The following ST8SIA1 variants were observed in gnomAD, a reference collection of about 807,000 sequenced individuals.
ST8SIA1 encodes the protein ST8 alpha-N-acetyl-neuraminide alpha-2,8-sialyltransferase 1.
A neutral mutation model predicts 35.9 loss-of-function variants in ST8SIA1; 16 were observed. That is an observed-to-expected ratio of 0.45 (90% CI 0.30 to 0.68). ST8SIA1 has a LOEUF of 0.68. Ranked by LOEUF, ST8SIA1 falls within the 30% of genes least tolerant of loss-of-function variation. The pLI, the probability that ST8SIA1 is intolerant of heterozygous loss-of-function variation, is 0.09. For missense variants in ST8SIA1, 383 were observed against 453.6 expected (o/e 0.84, Z 1.41); for synonymous variants, 170 against 169.6 (o/e 1.00, Z -0.02).
intron 1 of ST8SIA1, among the ~76,000 whole-genome samples, chr12:22,323,052 C>T (rs763694876): frequency 3.3e-5 from 5 of 152,112 alleles, no homozygotes; most frequent in African/African-American, 4.8e-5. Context: ...AGATAAAACA[C>T]CATGCTAATT....
chr12:22,210,258 T>C (rs1405884495), intron 4 of ST8SIA1, among the ~76,000 whole-genome samples: 1 of 152,124 alleles, frequency 6.6e-6, no homozygotes, highest in Non-Finnish European at 1.5e-5. Flanking sequence ...TATAGTTACA[T>C]ATACATATGT....
chr12:22,286,455 C>A (rs1308577637), intron 2 of ST8SIA1: 1 of 518,858 alleles, frequency 1.9e-6, no homozygotes, highest in South Asian at 1.4e-5. Flanking sequence ...TTGGGGAGGC[C>A]ATGATTCATT....
At chr12:22,287,362 A>T in intron 1 of ST8SIA1, 69 bp from the exon 2 acceptor site, 2 of 1,522,698 alleles carry the variant, frequency 1.3e-6, no homozygotes, top group Non-Finnish European at 1.8e-6. Flanking sequence ...TTCACTTGTC[A>T]TTCCCACAGA....
chr12:22,323,812 A>T (rs915829930), intron 1 of ST8SIA1, among the ~76,000 whole-genome samples: 2 of 152,182 alleles, frequency 1.3e-5, no homozygotes, highest in African/African-American at 2.4e-5. Context: ...CGATGAGAAC[A>T]CATGGACACA....
At chr12:22,283,241 GA>G (rs1866058059) in intron 2 of ST8SIA1, among the ~76,000 whole-genome samples, 1 of 152,124 alleles carries the variant, frequency 6.6e-6, no homozygotes, top group Non-Finnish European at 1.5e-5. Flanking sequence ...CACAATGTAA[GA>G]GAATGGACAG....
intron 4 of ST8SIA1, among the ~76,000 whole-genome samples, chr12:22,247,463 TTTC>T (rs1865619722): frequency 6.6e-6 from 1 of 150,660 alleles, no homozygotes; most frequent in Non-Finnish European, 1.5e-5. Context: ...AATAAAAAAA[TTTC>T]TTGTAAGTGT....
At chr12:22,234,905 C>G (rs1399631709) in intron 4 of ST8SIA1, among the ~76,000 whole-genome samples, 2 of 152,136 alleles carry the variant, frequency 1.3e-5, no homozygotes, top group African/African-American at 4.8e-5. Context: ...CTTTTTCTGC[C>G]TTTCCCTTCA....
chr12:22,323,516 A>G (rs963048918), intron 1 of ST8SIA1, among the ~76,000 whole-genome samples: 3 of 152,206 alleles, frequency 2.0e-5, no homozygotes, highest in African/African-American at 7.2e-5. Context: ...TATACACCCA[A>G]AGAAATATAA....
chr12:22,310,552 C>T (rs1866437092), intron 1 of ST8SIA1, among the ~76,000 whole-genome samples: 1 of 152,168 alleles, frequency 6.6e-6, no homozygotes, highest in Non-Finnish European at 1.5e-5. Context: ...CAGATCACCA[C>T]TGAATCTTAA....
chr12:22,307,113 G>A (rs1866394209), intron 1 of ST8SIA1, among the ~76,000 whole-genome samples: 1 of 151,862 alleles, frequency 6.6e-6, no homozygotes, highest in Non-Finnish European at 1.5e-5. Flanking sequence ...GCTTTGTTTG[G>A]TCTCTGTTTT....
At chr12:22,281,014 C>A (rs1051746415) in intron 2 of ST8SIA1, among the ~76,000 whole-genome samples, 2 of 152,176 alleles carry the variant, frequency 1.3e-5, no homozygotes, top group African/African-American at 4.8e-5. Flanking sequence ...AGCTTCAACA[C>A]CTTTATTTCT....
intron 2 of ST8SIA1, among the ~76,000 whole-genome samples, chr12:22,262,967 CT>C (rs1865809039): frequency 6.6e-6 from 1 of 152,124 alleles, no homozygotes; most frequent in African/African-American, 2.4e-5. Flanking sequence ...TTCTTGAATC[CT>C]TTTCGGATTC....
At position 22,201,492 on chromosome 12, in the gene ST8SIA1, G is replaced by C. The variant is rs1285200479; in HGVS notation, c.*60C>G. ...GAAACAACTTGACCATTCCCTCTTG[G>C]AGTCACATAGAAAACCTAACAAAAA... On this transcript the variant is annotated 3_prime_UTR_variant, in exon 5 of 5. Transcript: ENST00000396037. 8.5e-6 allele frequency: 13 copies of C among 1,525,314 alleles called. No homozygotes were observed. 94.5% of individuals were successfully genotyped at this position (1,525,314 alleles called of 1,614,324 possible). A position where few individuals can be genotyped will look rare whatever the true frequency, so the allele number is the denominator to read the frequency against.
intron 4 of ST8SIA1, among the ~76,000 whole-genome samples, chr12:22,230,634 G>A (rs1431628860): frequency 6.6e-6 from 1 of 152,124 alleles, no homozygotes; most frequent in Non-Finnish European, 1.5e-5. Flanking sequence ...CAGTTAAAAT[G>A]TAAAACCACA....
At chr12:22,234,490 C>T (rs762039900) in intron 4 of ST8SIA1, among the ~76,000 whole-genome samples, 15 of 152,070 alleles carry the variant, frequency 9.9e-5, no homozygotes, top group Admixed American at 5.9e-4. Context: ...AACCATCATC[C>T]GCTGGTGGTT....
chr12:22,286,570 T>C (rs1185547738), intron 2 of ST8SIA1: 1 of 494,954 alleles, frequency 2.0e-6, no homozygotes, highest in South Asian at 1.5e-5. Context: ...TGCCTACATG[T>C]ATATTAGAAA....
intron 1 of ST8SIA1, among the ~76,000 whole-genome samples, chr12:22,306,928 T>A (rs1207249099): frequency 2.0e-5 from 3 of 152,204 alleles, no homozygotes; most frequent in Non-Finnish European, 4.4e-5. Flanking sequence ...ATGTTTTAAT[T>A]TCTACTATCA....
intron 2 of ST8SIA1, among the ~76,000 whole-genome samples, chr12:22,263,963 T>C (rs1865819097): frequency 3.3e-5 from 5 of 152,206 alleles, no homozygotes; most frequent in Admixed American, 3.3e-4. Flanking sequence ...CCCTTCTTAA[T>C]GAAAATCTCA....
intron 2 of ST8SIA1, among the ~76,000 whole-genome samples, chr12:22,264,259 T>C (rs752808066): frequency 6.6e-6 from 1 of 152,142 alleles, no homozygotes; most frequent in Non-Finnish European, 1.5e-5. Context: ...TGCACTGCCC[T>C]GCTCCAGGAC....
Sources: allele counts gnomAD v4.1 joint callset (sites outside exome capture counted in the v4.1 genomes callset), GRCh38; gene constraint gnomAD v4.1.1; transcripts MANE v1.5; gene names NCBI Gene and HGNC (gene_info 2026-07-23, HGNC 2026-07-21).